The following HEG1 variants were observed in gnomAD, a reference collection of about 807,000 sequenced individuals.
HEG1 encodes the protein protein HEG homolog 1.
In HEG1, 56 loss-of-function variants were observed where a neutral mutation model predicts 125.6. The observed-to-expected ratio is 0.45, with a 90% CI of 0.36 to 0.56. The LOEUF (loss-of-function observed/expected upper bound fraction) is 0.56. Ranked by LOEUF, HEG1 falls within the 20% of genes least tolerant of loss-of-function variation. The pLI, the probability that HEG1 is intolerant of heterozygous loss-of-function variation, is 0.00. For missense variants in HEG1, 1,523 were observed against 1,670.0 expected, an observed-to-expected ratio of 0.91 and a Z score of 1.53; for synonymous variants, 644 against 668.5, an observed-to-expected ratio of 0.96 and a Z score of 0.57.
intron 16 of HEG1, among the ~76,000 whole-genome samples, chr3:124,973,165 G>A (rs970323117): frequency 1.5e-4 from 23 of 151,944 alleles, no homozygotes; most frequent in Admixed American, 3.3e-4. Context: ...AGAACCACAG[G>A]CGAGCACCAC....
In HEG1 at chr3:125,010,523, T is replaced by C. The variant is rs761349825; in HGVS notation, c.2989A>G (p.Asn997Asp). ...NSCAVNPCLHNGECVADNTSR... is the reference protein window; with the variant it reads ...NSCAVNPCLHDGECVADNTSR... ...GTGTTGTCTGCGACGCATTCGCCAT[T>C]GTGAAGACAAGGGTTCACAGCACAG... The change falls in exon 7 of 17, where the codon AAT becomes GAT. Residue 997 changes from asparagine to aspartate, a missense_variant. Transcript: ENST00000311127. 5.8e-6 allele frequency: 9 copies of C among 1,559,414 alleles called. No homozygotes were observed. Among genetic ancestry groups the C allele is most frequent in the South Asian group, 4.7e-5 (4 of 84,362 alleles).
intron 9 of HEG1, among the ~76,000 whole-genome samples, chr3:125,002,774 T>C (rs1937018864): frequency 1.3e-5 from 2 of 152,184 alleles, no homozygotes; most frequent in Admixed American, 1.3e-4. Context: ...AGACAGGTCT[T>C]CTTCAAAAAG....
At chr3:124,995,648 G>A (rs1304151516) in intron 12 of HEG1, among the ~76,000 whole-genome samples, 1 of 152,198 alleles carries the variant, frequency 6.6e-6, no homozygotes, top group Non-Finnish European at 1.5e-5. Context: ...AAAGGGCTGT[G>A]GCCCAAGAAG....
intron 10 of HEG1, 62 bp downstream of exon 10, chr3:125,002,195 T>C (rs1285583021): frequency 3.2e-5 from 49 of 1,549,550 alleles, no homozygotes; most frequent in Middle Eastern, 1.7e-4. Context: ...CTATCACCCA[T>C]GTTAGAACAG....
intron 12 of HEG1, among the ~76,000 whole-genome samples, chr3:124,993,136 C>A (rs1308429726): frequency 6.6e-6 from 1 of 152,080 alleles, no homozygotes. Context: ...TCCCTTTTTG[C>A]CTCAGTGTCC....
chr3:125,032,272 TA>T (rs1378864631), intron 1 of HEG1, among the ~76,000 whole-genome samples: 1 of 152,204 alleles, frequency 6.6e-6, no homozygotes, highest in Admixed American at 6.5e-5. Flanking sequence ...TATTTGGGGT[TA>T]GGGGGTGAAG....
intron 1 of HEG1, 36 bp downstream of exon 1, chr3:125,055,539 G>T: frequency 8.5e-7 from 1 of 1,180,532 alleles, no homozygotes; most frequent in South Asian, 4.3e-5. Flanking sequence ...CCCCAGCACA[G>T]ACTGGCCAGG....
intron 12 of HEG1, among the ~76,000 whole-genome samples, chr3:124,992,112 C>G (rs1291692698): frequency 6.6e-6 from 1 of 152,188 alleles, no homozygotes; most frequent in Non-Finnish European, 1.5e-5. Flanking sequence ...TTCTGGGGCA[C>G]AGTCCTGGTG....
Position 124,968,487 on chromosome 3 carries a change from T to C in HEG1, c.*2165A>G, listed in dbSNP as rs1936359054. ...AGAAACCCATGAACAAGAAGCATTG[T>C]TGGAACTCACAGGACACCGTTTTCT... On this transcript the variant is annotated 3_prime_UTR_variant, in exon 17 of 17. Transcript: ENST00000311127. The C allele has an allele frequency of 1.3e-5, 2 of 152,236 alleles. No individual in the cohort carries two copies. Among genetic ancestry groups the C allele is most frequent in the South Asian group, 2.1e-4 (1 of 4,832 alleles). The allele number at this position is 152,236 out of a possible 1,614,324, so 9.4% of individuals were successfully genotyped here.
chr3:125,010,153 G>A (rs1937136059), intron 7 of HEG1, among the ~76,000 whole-genome samples: 1 of 152,202 alleles, frequency 6.6e-6, no homozygotes, highest in South Asian at 2.1e-4. Flanking sequence ...GTGGCAGTGG[G>A]GGGATTCCAG....
intron 5 of HEG1, chr3:125,014,580 A>T: frequency 2.9e-6 from 2 of 694,528 alleles, no homozygotes; most frequent in Non-Finnish European, 3.9e-6. Flanking sequence ...GGGAGAATCT[A>T]GAAAGTTCTC....
intron 5 of HEG1, chr3:125,014,922 G>A (rs753427416): frequency 3.9e-6 from 5 of 1,289,780 alleles, no homozygotes; most frequent in Admixed American, 2.3e-5. Context: ...CAAGGTGTGG[G>A]TGCCGAGAGA....
chr3:124,989,709 A>AGT (rs1322586653), intron 14 of HEG1, among the ~76,000 whole-genome samples: 1 of 152,122 alleles, frequency 6.6e-6, no homozygotes, highest in Non-Finnish European at 1.5e-5. Flanking sequence ...AGGACTCCTA[A>AGT]GTGTGTCTCT....
intron 14 of HEG1, among the ~76,000 whole-genome samples, chr3:124,985,040 A>G (rs1015708665): frequency 6.6e-6 from 1 of 152,258 alleles, no homozygotes; most frequent in Non-Finnish European, 1.5e-5. Flanking sequence ...TCTGTTAAAA[A>G]GACATACACA....
intron 3 of HEG1, among the ~76,000 whole-genome samples, chr3:125,022,849 T>A (rs756178517): frequency 2.6e-5 from 4 of 152,214 alleles, no homozygotes; most frequent in Non-Finnish European, 4.4e-5. Flanking sequence ...TTCAAAACAC[T>A]TTTATTCCCA....
chr3:124,975,677 C>T (rs1936522574), intron 15 of HEG1, among the ~76,000 whole-genome samples: 1 of 152,206 alleles, frequency 6.6e-6, no homozygotes, highest in African/African-American at 2.4e-5. Flanking sequence ...TCTTCCAATT[C>T]TCCCCTTTTC....
chr3:125,055,248 G>A (rs1027161220), intron 1 of HEG1, among the ~76,000 whole-genome samples: 1 of 152,184 alleles, frequency 6.6e-6, no homozygotes, highest in Non-Finnish European at 1.5e-5. Flanking sequence ...GCCAGATATC[G>A]GAGGTGGGAG....
At chr3:125,030,189 AG>A (rs1218619608) in intron 1 of HEG1, among the ~76,000 whole-genome samples, 1 of 152,312 alleles carries the variant, frequency 6.6e-6, no homozygotes, top group Middle Eastern at 3.4e-3. Flanking sequence ...GGTGGGTGGT[AG>A]GAAGCTATTA....
In HEG1 at chr3:124,968,886, CA is replaced by C. The variant is rs1212987316; in HGVS notation, c.*1765del. On this transcript the variant is annotated 3_prime_UTR_variant, in exon 17 of 17. Transcript: ENST00000311127. ...TTAGGTTAGCCTCCACTGATAAAAACAGTTCTCCTTTTATTTATCTCATGGA... is the reference window on the plus strand; with the variant it reads ...TTAGGTTAGCCTCCACTGATAAAAACGTTCTCCTTTTATTTATCTCATGGA... 1 of 152,242 alleles carries C rather than the reference CA, an allele frequency of 6.6e-6. No individual in the cohort carries two copies. Among genetic ancestry groups the C allele is most frequent in the African/African-American group, 2.4e-5 (1 of 41,470 alleles). The allele number at this position is 152,242 out of a possible 1,614,324, so 9.4% of individuals were successfully genotyped here.
Sources: gnomAD v4.1 joint callset for allele counts (sites outside exome capture counted in the v4.1 genomes callset) on GRCh38, gnomAD v4.1.1 for gene constraint, MANE v1.5 for transcripts, NCBI Gene and HGNC (gene_info 2026-07-23, HGNC 2026-07-21) for gene names.